The following HDAC9 variants were observed in gnomAD, a reference collection of about 807,000 sequenced individuals.
HDAC9 encodes MEF-2 interacting transcription repressor (MITR) protein.
In HDAC9, 41 loss-of-function variants were observed where a neutral mutation model predicts 139.4. That is an observed-to-expected ratio of 0.29 (90% CI 0.23 to 0.38). The LOEUF (loss-of-function observed/expected upper bound fraction) is 0.38, where lower values mean the gene tolerates loss of function less well. Among genes scored for constraint, HDAC9 ranks in the 10% least tolerant of loss-of-function variants. HDAC9 has a pLI of 1.00. For missense variants in HDAC9, 1,147 were observed against 1,297.0 expected (o/e 0.88, Z 1.78); for synonymous variants, 517 against 476.2 (o/e 1.09, Z -1.12).
chr7:18,874,307 C>T (rs964055522), intron 21 of HDAC9, among the ~76,000 whole-genome samples, 171 bp from the exon 22 acceptor site: 3 of 151,156 alleles, frequency 2.0e-5, no homozygotes, highest in East Asian at 3.9e-4. Flanking sequence ...AAAATAACAG[C>T]GATTTATTAT....
chr7:18,630,293 T>C (rs1157873395), intron 7 of HDAC9, among the ~76,000 whole-genome samples: 3 of 151,912 alleles, frequency 2.0e-5, no homozygotes, highest in Non-Finnish European at 1.5e-5. Context: ...CTGCAACCCC[T>C]TTTTTTTCCC....
chr7:18,477,778 T>A (rs1795229891), intron 1 of HDAC9, among the ~76,000 whole-genome samples: 1 of 152,194 alleles, frequency 6.6e-6, no homozygotes, highest in South Asian at 2.1e-4. Flanking sequence ...AAGAGAACTT[T>A]AGAATAATTA....
chr7:18,866,739 CA>C (rs1798529042), intron 21 of HDAC9, among the ~76,000 whole-genome samples: 1 of 152,124 alleles, frequency 6.6e-6, no homozygotes, highest in Non-Finnish European at 1.5e-5. Context: ...GGAACCAAGC[CA>C]AAGTTCTGGT....
chr7:18,449,653 C>T (rs973985757), intron 1 of HDAC9, among the ~76,000 whole-genome samples: 1 of 152,142 alleles, frequency 6.6e-6, no homozygotes, highest in Non-Finnish European at 1.5e-5. Context: ...GTTTCCCCAC[C>T]ATGGCTCTTC....
In HDAC9 at chr7:18,935,938, A is replaced by G. The variant is rs1353842811; in HGVS notation, c.2933A>G (p.Asn978Ser). Reference sequence around the variant, plus strand: ...GCCTGTGTAAATGCCCTTCTAGGAAATGAGGTAAAAAAGTAAAAGTACAAA... The same window carrying G: ...GCCTGTGTAAATGCCCTTCTAGGAAGTGAGGTAAAAAAGTAAAAGTACAAA... ...SEACVNALLGNELEPLAEDIL... is the reference protein window; with the variant it reads ...SEACVNALLGSELEPLAEDIL... The change falls in exon 23 of 26, where the codon AAT (asparagine) becomes AGT (serine). Residue 978 changes from asparagine to serine, a missense_variant. This residue lies in a region of HDAC9 where 407 missense variants were observed against 521.5 expected (regional missense o/e 0.78). Transcript: ENST00000686413. 1.9e-5 allele frequency: 31 copies of G among 1,612,310 alleles called. No homozygotes were observed. The highest frequency in any genetic ancestry group is 1.6e-4 in the Middle Eastern group (1 of 6,084).
chr7:18,594,086 A>G, intron 6 of HDAC9, 57 bp downstream of exon 6: 1 of 1,581,230 alleles, frequency 6.3e-7, no homozygotes. Context: ...TGTAAGTTTC[A>G]TTTTGCCACA....
intron 24 of HDAC9, among the ~76,000 whole-genome samples, chr7:18,966,465 G>C (rs985381237): frequency 6.6e-6 from 1 of 152,254 alleles, no homozygotes; most frequent in East Asian, 1.9e-4. Flanking sequence ...CACTTTGTGA[G>C]GCCGTGGCAG....
intron 1 of HDAC9, among the ~76,000 whole-genome samples, chr7:18,106,733 C>T (rs1404477013): frequency 6.6e-6 from 1 of 152,176 alleles, no homozygotes; most frequent in East Asian, 1.9e-4. Flanking sequence ...GGATTACAGG[C>T]GTGAGCCACC....
intron 22 of HDAC9, among the ~76,000 whole-genome samples, chr7:18,929,792 T>G (rs1420058366): frequency 6.6e-6 from 1 of 151,822 alleles, no homozygotes; most frequent in African/African-American, 2.4e-5. Flanking sequence ...ATACAAAAAT[T>G]AGCTGGGTGT....
At chr7:18,120,159 A>G (rs756948416) in intron 1 of HDAC9, among the ~76,000 whole-genome samples, 3 of 152,122 alleles carry the variant, frequency 2.0e-5, no homozygotes, top group Middle Eastern at 3.2e-3. Context: ...ACATTTGGCA[A>G]TGTCTGGAGA....
At chr7:18,115,551 T>A (rs1486772107) in intron 1 of HDAC9, among the ~76,000 whole-genome samples, 1 of 152,204 alleles carries the variant, frequency 6.6e-6, no homozygotes, top group Non-Finnish European at 1.5e-5. Context: ...GTTAAGTCAT[T>A]TACATTTTAT....
chr7:18,613,326 A>AC (rs1192599281), intron 6 of HDAC9, among the ~76,000 whole-genome samples: 8 of 152,076 alleles, frequency 5.3e-5, no homozygotes, highest in African/African-American at 1.9e-4. Context: ...GGGAAATGAG[A>AC]CAGGAGAGAA....
At chr7:18,489,965 G>A (rs112610175) in intron 1 of HDAC9, among the ~76,000 whole-genome samples, 1 of 151,922 alleles carries the variant, frequency 6.6e-6, no homozygotes, top group Non-Finnish European at 1.5e-5. Flanking sequence ...GCTCTCATTC[G>A]CAAGCTAGAG....
chr7:18,965,351 T>C (rs1437250199), intron 24 of HDAC9, among the ~76,000 whole-genome samples: 2 of 152,206 alleles, frequency 1.3e-5, no homozygotes, highest in African/African-American at 4.8e-5. Flanking sequence ...AATATGTGTC[T>C]CAGGGCTTGA....
intron 1 of HDAC9, among the ~76,000 whole-genome samples, chr7:18,418,040 G>C (rs1237893290): frequency 6.6e-6 from 1 of 152,008 alleles, no homozygotes; most frequent in Non-Finnish European, 1.5e-5. Flanking sequence ...ATGCTCTCTT[G>C]GCAACAACTT....
At chr7:18,588,088 A>G (rs1263672934) in intron 3 of HDAC9, among the ~76,000 whole-genome samples, 1 of 152,226 alleles carries the variant, frequency 6.6e-6, no homozygotes, top group Non-Finnish European at 1.5e-5. Flanking sequence ...TTTAATATGA[A>G]GAGTAACCAG....
chr7:18,465,797 A>G (rs1235097122), intron 1 of HDAC9, among the ~76,000 whole-genome samples: 2 of 152,032 alleles, frequency 1.3e-5, no homozygotes, highest in Admixed American at 1.3e-4. Context: ...TTCCACTTCT[A>G]TCTTTTGTAA....
chr7:18,653,092 G>A (rs1415384578), intron 11 of HDAC9, among the ~76,000 whole-genome samples: 1 of 151,984 alleles, frequency 6.6e-6, no homozygotes, highest in Non-Finnish European at 1.5e-5. Flanking sequence ...CAGAAAATTA[G>A]CCGGGCGTGG....
At chr7:18,385,346 C>A (rs896915098) in intron 1 of HDAC9, among the ~76,000 whole-genome samples, 1 of 151,840 alleles carries the variant, frequency 6.6e-6, no homozygotes, top group Non-Finnish European at 1.5e-5. Context: ...AAAATCATAT[C>A]ATTTTCCTTT....
Sources: gnomAD v4.1 joint callset for allele counts (sites outside exome capture counted in the v4.1 genomes callset) on GRCh38, gnomAD v4.1.1 for gene constraint, gnomAD v4.1.1 regional missense constraint, MANE v1.5 for transcripts, NCBI Gene and HGNC (gene_info 2026-07-23, HGNC 2026-07-21) for gene names.